CDH4: variants seen among roughly 807,000 people sequenced by gnomAD.
CDH4 encodes the protein cadherin-4.
In CDH4, 33 loss-of-function variants were observed where a neutral mutation model predicts 86.0. The ratio of observed to expected loss-of-function variants is 0.38; its 90% CI spans 0.29 to 0.51. The LOEUF (loss-of-function observed/expected upper bound fraction) is 0.51, where lower values mean the gene tolerates loss of function less well. CDH4 is among the 20% of genes least tolerant of loss of function. The pLI is 0.86. For missense variants in CDH4, 1,114 were observed against 1,307.4 expected (o/e 0.85, Z 2.28); for synonymous variants, 555 against 549.4 (o/e 1.01, Z -0.14).
intron 8 of CDH4, among the ~76,000 whole-genome samples, chr20:61,900,408 C>A (rs1370169633): frequency 6.6e-6 from 1 of 152,126 alleles, no homozygotes; most frequent in East Asian, 1.9e-4. Context: ...AGGTGGCAGC[C>A]GCAGGGACCA....
At chr20:61,821,564 T>TC (rs1981045225) in intron 4 of CDH4, among the ~76,000 whole-genome samples, 3 of 150,186 alleles carry the variant, frequency 2.0e-5, no homozygotes, top group Admixed American at 2.0e-4. Flanking sequence ...AGATCCCTGC[T>TC]CCCTGATGTT....
At chr20:61,378,693 A>G (rs1455911361) in intron 2 of CDH4, among the ~76,000 whole-genome samples, 1 of 152,226 alleles carries the variant, frequency 6.6e-6, no homozygotes, top group Non-Finnish European at 1.5e-5. Flanking sequence ...AAGTAAAATG[A>G]CATCATAGGT....
At chr20:61,308,729 C>T (rs1165234401) in intron 2 of CDH4, among the ~76,000 whole-genome samples, 1 of 152,258 alleles carries the variant, frequency 6.6e-6, no homozygotes, top group Admixed American at 6.5e-5. Context: ...CCAAGGCCTT[C>T]TGTCAAAACT....
At chr20:61,725,701 C>T (rs1204520508) in intron 2 of CDH4, among the ~76,000 whole-genome samples, 1 of 152,030 alleles carries the variant, frequency 6.6e-6, no homozygotes, top group Non-Finnish European at 1.5e-5. Flanking sequence ...ACCTCCACCT[C>T]TCCAGTGGGC....
chr20:61,325,441 A>G (rs1225381069), intron 2 of CDH4, among the ~76,000 whole-genome samples: 1 of 151,568 alleles, frequency 6.6e-6, no homozygotes, highest in Non-Finnish European at 1.5e-5. Flanking sequence ...TTTTTTTCTG[A>G]TAAAGGGCAA....
chr20:61,899,614 T>A (rs965669946), intron 8 of CDH4, among the ~76,000 whole-genome samples: 6 of 152,164 alleles, frequency 3.9e-5, no homozygotes, highest in South Asian at 2.1e-4. Flanking sequence ...TTCTTAGTAG[T>A]GATGGGGTTT....
At chr20:61,753,029 G>A (rs904797709) in intron 3 of CDH4, among the ~76,000 whole-genome samples, 3 of 152,152 alleles carry the variant, frequency 2.0e-5, no homozygotes, top group Non-Finnish European at 2.9e-5. Flanking sequence ...TTAAACAAAT[G>A]CATGCAGAGG....
At chr20:61,299,332 A>T (rs1261188348) in intron 2 of CDH4, among the ~76,000 whole-genome samples, 1 of 152,146 alleles carries the variant, frequency 6.6e-6, no homozygotes, top group African/African-American at 2.4e-5. Context: ...TCCCAGAGGG[A>T]GCACGGCCCT....
In CDH4 at chr20:61,582,538, C is replaced by G. The variant is rs2086437336; in HGVS notation, c.170-161025C>G. 6.6e-6 allele frequency among the ~76,000 whole-genome samples: 1 copy of G among 152,146 alleles called. No individual in the cohort carries two copies. The highest frequency in any genetic ancestry group is 1.5e-5 in the Non-Finnish European group (1 of 68,010). On this transcript the variant is annotated intron_variant, in intron 2 of 15. Transcript: ENST00000614565. This position sits in a 1 kb window ranked among gnomAD's most constrained non-coding sequence, Gnocchi z 4.2. ...GCAGTTCCCTTTGGCCTGTAGACTT[C>G]CCTCCCAGTGCTTCCGGGGAGAGTC...
intron 2 of CDH4, among the ~76,000 whole-genome samples, chr20:61,293,533 C>A (rs970041532): frequency 6.6e-6 from 1 of 152,186 alleles, no homozygotes; most frequent in Admixed American, 6.5e-5. Flanking sequence ...CTGGGGACAA[C>A]AGTGCCAAGA....
At position 61,414,523 on chromosome 20, in the gene CDH4, C is replaced by T. The variant is rs553427568; in HGVS notation, c.169+159586C>T. On this transcript the variant is annotated intron_variant, in intron 2 of 15. Transcript: ENST00000614565. Reference sequence around the variant, plus strand: ...CTACAAATGCTTGCCGACCAGCTCCCGGCAAAGCTGACTCCTGGCATTATC... The same window carrying T: ...CTACAAATGCTTGCCGACCAGCTCCTGGCAAAGCTGACTCCTGGCATTATC... Among the ~76,000 whole-genome samples, 99 of 152,368 alleles carry T rather than the reference C, an allele frequency of 6.5e-4. 1 individual carries two copies. Among genetic ancestry groups the T allele is most frequent in the African/African-American group, 2.3e-3 (96 of 41,590 alleles).
chr20:61,768,771 C>T (rs1399344928), intron 3 of CDH4, among the ~76,000 whole-genome samples: 2 of 152,208 alleles, frequency 1.3e-5, no homozygotes, highest in African/African-American at 4.8e-5. Flanking sequence ...CACTGATTTT[C>T]ACCAGATTTT....
chr20:61,725,532 A>C (rs1025533656), intron 2 of CDH4, among the ~76,000 whole-genome samples: 68 of 152,242 alleles, frequency 4.5e-4, no homozygotes, highest in African/African-American at 1.6e-3. Context: ...GAGAGCTTTG[A>C]GAGGAAAAGG....
At chr20:61,636,750 G>A (rs560142308) in intron 2 of CDH4, among the ~76,000 whole-genome samples, 91 of 152,334 alleles carry the variant, frequency 6.0e-4, no homozygotes, top group Non-Finnish European at 1.1e-3. Flanking sequence ...CTCCTGAGTC[G>A]CTCCGTCACT....
Position 61,810,652 on chromosome 20 carries a change from A to G in CDH4, c.577-34016A>G, listed in dbSNP as rs1165568091. Among the ~76,000 whole-genome samples the G allele has an allele frequency of 6.6e-6, 1 of 152,214 alleles. No individual in the cohort carries two copies. The highest frequency in any genetic ancestry group is 1.5e-5 in the Non-Finnish European group (1 of 68,036). On this transcript the variant is annotated intron_variant, in intron 4 of 15. Transcript: ENST00000614565. The surrounding 1 kb of genome is among the most constrained non-coding windows in gnomAD (Gnocchi z 4.3). ...ACACCTCCCAGCCCCCTAACAAGCC[A>G]GGAACCACTCCAGGGCTATAAAACA...
At chr20:61,263,856 C>T (rs1244310513) in intron 2 of CDH4, among the ~76,000 whole-genome samples, 2 of 152,022 alleles carry the variant, frequency 1.3e-5, no homozygotes, top group Non-Finnish European at 2.9e-5. Flanking sequence ...GGCTCCTGGC[C>T]GCTTCCTCCG....
rs1010801075 is a variant in CDH4, at chr20:61,516,948, T to G, written c.170-226615T>G. Among the ~76,000 whole-genome samples the G allele has an allele frequency of 6.6e-6, 1 of 152,190 alleles. No homozygotes were observed. The highest frequency in any genetic ancestry group is 1.9e-4 in the East Asian group (1 of 5,156). On this transcript the variant is annotated intron_variant, in intron 2 of 15. Coordinates refer to ENST00000614565, the MANE Select transcript of CDH4 (RefSeq NM_001794.5). The surrounding 1 kb of genome is among the most constrained non-coding windows in gnomAD (Gnocchi z 4.0). ...AGTCCTGTGTTTGTAACATGGGGTG[T>G]TTTCAATGTATTGGGATGTCATGCA...
chr20:61,502,875 G>A (rs1365048413), intron 2 of CDH4, among the ~76,000 whole-genome samples: 1 of 152,206 alleles, frequency 6.6e-6, no homozygotes, highest in African/African-American at 2.4e-5. Context: ...TTCTGGAGAA[G>A]ACACAGTGGA....
intron 6 of CDH4, among the ~76,000 whole-genome samples, chr20:61,861,183 A>T (rs1983306481): frequency 6.6e-6 from 1 of 152,190 alleles, no homozygotes. Flanking sequence ...CTCTGCACCC[A>T]GGGGCAGGGC....
Sources: allele counts gnomAD v4.1 joint callset (sites outside exome capture counted in the v4.1 genomes callset), GRCh38; gene constraint gnomAD v4.1.1; non-coding constraint Gnocchi (gnomAD v3.1); transcripts MANE v1.5; gene names NCBI Gene and HGNC (gene_info 2026-07-23, HGNC 2026-07-21).